KLF8: variants seen among roughly 807,000 people sequenced by gnomAD.
KLF8 encodes the protein Krueppel-like factor 8.
KLF8 carries 10 observed loss-of-function variants against 18.2 expected under a neutral mutation model. That is an observed-to-expected ratio of 0.55 (90% CI 0.34 to 0.93). The LOEUF is 0.93. Ranked by LOEUF, KLF8 falls within the 40% of genes least tolerant of loss-of-function variation. The probability of loss-of-function intolerance (pLI) is 0.02; values close to 1 mark genes in which losing one functional copy is unlikely to be tolerated. For synonymous variants in KLF8, 109 were observed against 97.3 expected (o/e 1.12, Z -0.71); for missense variants, 264 against 277.9 (o/e 0.95, Z 0.36).
chrX:56,155,562 A>T, the KLF8 span, among the ~76,000 whole-genome samples: 1 of 111,311 alleles, frequency 9.0e-6, no homozygotes, highest in Non-Finnish European at 1.9e-5. Flanking sequence ...TATGTAACAA[A>T]CCTTCACTTT....
At chrX:56,123,349 C>A in the KLF8 span, among the ~76,000 whole-genome samples, 1 of 105,507 alleles carries the variant, frequency 9.5e-6, no homozygotes, top group Non-Finnish European at 1.9e-5. Context: ...CTTAGTAGAC[C>A]AAAAAGCTAA....
rs1314964089 is a variant in KLF8 at position 56,291,187 on chromosome X, G to T, written c.*6693G>T. Among the ~76,000 whole-genome samples the T allele has an allele frequency of 8.9e-6, 1 of 111,820 alleles. No individual in the cohort carries two copies. The highest frequency in any genetic ancestry group is 1.9e-5 in the Non-Finnish European group (1 of 53,158). On this transcript the variant is annotated 3_prime_UTR_variant, in exon 6 of 6. Coordinates refer to ENST00000468660, the MANE Select transcript of KLF8 (RefSeq NM_007250.5). ...GTTAGTTTGTTTAAATAAATTATAA[G>T]ACAGTATATTAAGCTTTAGTCTCTG...
the KLF8 span, among the ~76,000 whole-genome samples, chrX:55,972,161 T>C: frequency 1.8e-5 from 2 of 111,741 alleles, no homozygotes; most frequent in South Asian, 7.4e-4. Flanking sequence ...AACAGATGAA[T>C]GGATAAAGAA....
chrX:55,961,297 T>C, the KLF8 span: 2 of 392,240 alleles, frequency 5.1e-6, no homozygotes, highest in Admixed American at 5.7e-5. Context: ...CCAGAGGTCC[T>C]GGTGGACCTA....
chrX:56,191,612 G>A, the KLF8 span, among the ~76,000 whole-genome samples: 1 of 111,286 alleles, frequency 9.0e-6, no homozygotes, highest in Non-Finnish European at 1.9e-5. Context: ...TTAACCATCT[G>A]GGATTTATCC....
At chrX:56,053,193 G>A in the KLF8 span, among the ~76,000 whole-genome samples, 2 of 112,292 alleles carry the variant, frequency 1.8e-5, no homozygotes, top group African/African-American at 3.2e-5. Flanking sequence ...GATGAACCCG[G>A]TACCTCAGAT....
At chrX:56,178,223 T>C in the KLF8 span, among the ~76,000 whole-genome samples, 1 of 112,700 alleles carries the variant, frequency 8.9e-6, no homozygotes, top group East Asian at 2.8e-4. Flanking sequence ...TTTGCATTTC[T>C]CTGATGGCCA....
At chrX:56,195,435 G>A in the KLF8 span, among the ~76,000 whole-genome samples, 1 of 111,990 alleles carries the variant, frequency 8.9e-6, no homozygotes, top group African/African-American at 3.2e-5. Context: ...TTCGTGACAC[G>A]TGCACAAGCT....
At chrX:55,941,211 T>A in the KLF8 span, among the ~76,000 whole-genome samples, 1 of 111,659 alleles carries the variant, frequency 9.0e-6, no homozygotes, top group Non-Finnish European at 1.9e-5. Flanking sequence ...TCAGAAATAA[T>A]GCTGCATATC....
chrX:56,106,605 C>T, the KLF8 span, among the ~76,000 whole-genome samples: 1 of 111,780 alleles, frequency 8.9e-6, no homozygotes, highest in South Asian at 3.8e-4. Context: ...TCTAGTTAGC[C>T]GTTTGTCTAA....
intron 2 of KLF8, among the ~76,000 whole-genome samples, chrX:56,258,797 C>T (rs1035997247): frequency 3.6e-5 from 4 of 111,632 alleles, no homozygotes; most frequent in African/African-American, 1.3e-4. Flanking sequence ...GCTTGTGATA[C>T]ATGGCCACAG....
At chrX:55,938,498 T>C in the KLF8 span, among the ~76,000 whole-genome samples, 3 of 111,543 alleles carry the variant, frequency 2.7e-5, no homozygotes, top group African/African-American at 9.8e-5. Context: ...AACATCATAA[T>C]GACAGGATCA....
the KLF8 span, among the ~76,000 whole-genome samples, chrX:56,189,094 T>G: frequency 4.0e-3 from 448 of 111,167 alleles, 1 homozygote; most frequent in African/African-American, 0.014. Flanking sequence ...GCATACAAAA[T>G]GGGAGAAAAT....
the KLF8 span, among the ~76,000 whole-genome samples, chrX:56,211,132 T>C: frequency 2.1e-3 from 230 of 112,083 alleles, no homozygotes; most frequent in Non-Finnish European, 3.6e-3. Flanking sequence ...TAGGTATTTA[T>C]TGTAGTCTCC....
chrX:56,246,361 G>A (rs1203138649), intron 1 of KLF8, among the ~76,000 whole-genome samples: 1 of 111,988 alleles, frequency 8.9e-6, no homozygotes, highest in Non-Finnish European at 1.9e-5. Context: ...AAAGGAACAA[G>A]ACTAGGTAAC....
At chrX:56,157,212 A>T in the KLF8 span, among the ~76,000 whole-genome samples, 1 of 91,361 alleles carries the variant, frequency 1.1e-5, no homozygotes, top group African/African-American at 4.0e-5. Flanking sequence ...AGGAAGGGGG[A>T]CATCACACAC....
At chrX:56,189,761 A>C in the KLF8 span, among the ~76,000 whole-genome samples, 1 of 106,676 alleles carries the variant, frequency 9.4e-6, no homozygotes, top group African/African-American at 3.4e-5. Flanking sequence ...TCAGTAAACT[A>C]TCACGAGGAC....
chrX:56,049,471 C>T, the KLF8 span, among the ~76,000 whole-genome samples: 1 of 109,641 alleles, frequency 9.1e-6, no homozygotes, highest in African/African-American at 3.3e-5. Context: ...GAGTTTTTAG[C>T]ATGAAGGGTT....
At chrX:55,921,791 A>G in the KLF8 span, among the ~76,000 whole-genome samples, 1 of 112,219 alleles carries the variant, frequency 8.9e-6, no homozygotes, top group South Asian at 3.7e-4. Context: ...ACCCCATTAT[A>G]AAGTGGGTAA....
Sources: gnomAD v4.1 joint callset for allele counts (sites outside exome capture counted in the v4.1 genomes callset) on GRCh38, gnomAD v4.1.1 for gene constraint, MANE v1.5 for transcripts, NCBI Gene and HGNC (gene_info 2026-07-23, HGNC 2026-07-21) for gene names.